TANC1: variants seen among roughly 807,000 people sequenced by gnomAD.
TANC1 encodes protein TANC1.
TANC1 carries 77 observed loss-of-function variants against 149.7 expected under a neutral mutation model. That is an observed-to-expected ratio of 0.51 (90% CI 0.43 to 0.62). TANC1 has a LOEUF of 0.62. TANC1 is among the 20% of genes least tolerant of loss of function. The pLI is 0.00. For synonymous variants in TANC1, 854 were observed against 925.0 expected, an observed-to-expected ratio of 0.92 and a Z score of 1.39; for missense variants, 1,985 against 2,321.8, an observed-to-expected ratio of 0.85 and a Z score of 2.98.
Position 159,179,067 on chromosome 2 carries a change from G to A in TANC1, c.2414G>A (p.Arg805Lys). The A allele has an allele frequency of 6.2e-7, 1 of 1,613,916 alleles. No individual in the cohort carries two copies. The highest frequency in any genetic ancestry group is 8.5e-7 in the Non-Finnish European group (1 of 1,180,020). ...MDALSCFLIKRRDKTRMFCHP... is the reference protein window; with the variant it reads ...MDALSCFLIKKRDKTRMFCHP... ...GCCCTCTCCTGCTTCCTCATTAAGA[G>A]GCGAGACAAAACCCGCATGTTCTGC... is the stretch of plus-strand genomic sequence containing the variant. The change falls in exon 14 of 27, where the codon AGG becomes AAG. Residue 805 changes from arginine (R) to lysine (K), a missense_variant. Transcript: ENST00000263635.
At chr2:158,992,257 C>T (rs777506628) in intron 1 of TANC1, among the ~76,000 whole-genome samples, 4 of 151,390 alleles carry the variant, frequency 2.6e-5, no homozygotes, top group African/African-American at 4.9e-5. Context: ...TCATCTACTC[C>T]GGAGGCTGAG....
chr2:159,092,380 T>A (rs899462403), intron 3 of TANC1, among the ~76,000 whole-genome samples: 3 of 152,230 alleles, frequency 2.0e-5, no homozygotes, highest in African/African-American at 4.8e-5. Flanking sequence ...TGATGTTGGA[T>A]GTTGCCATTC....
intron 2 of TANC1, among the ~76,000 whole-genome samples, chr2:159,005,769 G>C (rs1290211848): frequency 2.0e-5 from 3 of 151,474 alleles, no homozygotes; most frequent in Non-Finnish European, 4.4e-5. Context: ...AAATTTGCCT[G>C]GTCTATTCTG....
intron 4 of TANC1, among the ~76,000 whole-genome samples, chr2:159,109,104 A>C (rs1245344244): frequency 6.6e-6 from 1 of 152,220 alleles, no homozygotes; most frequent in Non-Finnish European, 1.5e-5. Flanking sequence ...CGAAGAGGCT[A>C]GGAGAGTAAG....
chr2:159,219,325 G>A lies in TANC1; in HGVS notation c.3466G>A (p.Gly1156Arg). The A allele has an allele frequency of 6.2e-7, 1 of 1,614,132 alleles. No homozygotes were observed. The highest frequency in any genetic ancestry group is 1.3e-5 in the African/African-American group (1 of 75,026). ...GCCCCTCATGGTGGCTGCTTGTGAAGGGCACTTGAGCACCGTGGAATTCCT... is the reference window on the plus strand; with the variant it reads ...GCCCCTCATGGTGGCTGCTTGTGAAAGGCACTTGAGCACCGTGGAATTCCT... ...RTPLMVAACE[G>R]HLSTVEFLLS... Residue 1156 changes from glycine to arginine, a missense_variant, in exon 21 of 27, where the codon GGG (glycine) becomes AGG (arginine). Gly to Arg is a moderately radical substitution (Grantham distance 125). Coordinates refer to ENST00000263635, the MANE Select transcript of TANC1 (RefSeq NM_033394.3).
chr2:159,169,332 A>G lies in TANC1; in HGVS notation c.1029A>G (p.Pro343=), dbSNP rs1356671542. 1 of 1,613,938 alleles carries G rather than the reference A, an allele frequency of 6.2e-7. No individual in the cohort carries two copies. The highest frequency in any genetic ancestry group is 8.5e-7 in the Non-Finnish European group (1 of 1,179,914). ...NAPLRTSIRL[P]WHNTAGGRAQ... The stretch of plus-strand genomic sequence containing the variant: ...CTCTACGGACGTCAATTAGATTACC[A>G]TGGCACAATACGGCCGGAGGTAGGG... The change falls in exon 9 of 27, where the codon CCA becomes CCG. Residue 343 remains proline, a synonymous_variant. Transcript: ENST00000263635.
intron 4 of TANC1, among the ~76,000 whole-genome samples, chr2:159,131,297 G>C (rs1214509200): frequency 1.3e-5 from 2 of 152,190 alleles, no homozygotes; most frequent in Non-Finnish European, 2.9e-5. Context: ...CATGGTCTTA[G>C]AATTGAGCCT....
At chr2:159,228,099 C>T (rs2060126219) in intron 25 of TANC1, 134 bp downstream of exon 25, 2 of 956,404 alleles carry the variant, frequency 2.1e-6, no homozygotes, top group Admixed American at 2.4e-5. Flanking sequence ...ATGAACCTGG[C>T]ATGTGGGAAA....
chr2:159,143,480 G>T (rs991505279), intron 5 of TANC1, among the ~76,000 whole-genome samples: 1 of 147,130 alleles, frequency 6.8e-6, no homozygotes, highest in Admixed American at 7.0e-5. Context: ...ACTTGGGGAG[G>T]CTGAGGCAGG....
intron 16 of TANC1, among the ~76,000 whole-genome samples, chr2:159,187,244 G>A (rs990442647): frequency 6.6e-6 from 1 of 152,220 alleles, no homozygotes; most frequent in Non-Finnish European, 1.5e-5. Context: ...GGTCAGGGCT[G>A]CTCTGAGCAC....
At chr2:159,212,151 A>G (rs1333970094) in intron 19 of TANC1, among the ~76,000 whole-genome samples, 3 of 152,262 alleles carry the variant, frequency 2.0e-5, no homozygotes, top group African/African-American at 7.2e-5. Flanking sequence ...ATAAAAGAGC[A>G]GAATGCTGTG....
rs35914993 is a variant in TANC1, at chr2:159,096,293, A to ATTT, written c.62-1328_62-1326dup. On this transcript the variant is annotated intron_variant, in intron 3 of 26. Coordinates refer to ENST00000263635, the MANE Select transcript of TANC1 (RefSeq NM_033394.3). ...ATCTGAATACATGAGGACTGGCTGT[A>ATTT]TTTTTTTTTTTTTTTTTTGGGAGAC... Among the ~76,000 whole-genome samples the ATTT allele has an allele frequency of 7.5e-3, 979 of 130,722 alleles. 8 individuals carry two copies. The highest frequency in any genetic ancestry group is 0.025 in the African/African-American group (870 of 35,026). The allele number at this position is 130,722 out of a possible 152,430, so 85.8% of individuals were successfully genotyped here. A position where few individuals can be genotyped will look rare whatever the true frequency, so the allele number is the denominator to read the frequency against.
rs2059523641 is a variant in TANC1, at chr2:159,219,056, G to A, written c.3379-182G>A. Among the ~76,000 whole-genome samples, 3 of 152,164 alleles carry A rather than the reference G, an allele frequency of 2.0e-5. 1 individual carries two copies. Among genetic ancestry groups the A allele is most frequent in the South Asian group, 4.1e-4 (2 of 4,828 alleles). On this transcript the variant is annotated intron_variant, in intron 20 of 26. Coordinates refer to ENST00000263635, the MANE Select transcript of TANC1 (RefSeq NM_033394.3). ...GCATGTTAAAAAGAGTGCATATTTT[G>A]GAAAAGGTTCTGTTCAAAGGAATAC...
At chr2:158,981,499 A>G (rs1160534046) in intron 1 of TANC1, among the ~76,000 whole-genome samples, 1 of 29,418 alleles carries the variant, frequency 3.4e-5, no homozygotes, top group Non-Finnish European at 6.2e-5. Flanking sequence ...TTTTATATAT[A>G]TATATATATA....
intron 4 of TANC1, among the ~76,000 whole-genome samples, chr2:159,114,828 C>T (rs907197898): frequency 2.0e-5 from 3 of 152,158 alleles, no homozygotes; most frequent in Non-Finnish European, 4.4e-5. Flanking sequence ...TCCAGGATCC[C>T]TTTCATTGTA....
At chr2:159,160,144 G>A (rs2053897116) in intron 7 of TANC1, among the ~76,000 whole-genome samples, 1 of 152,170 alleles carries the variant, frequency 6.6e-6, no homozygotes, top group Non-Finnish European at 1.5e-5. Context: ...GGCCTGATAA[G>A]TCGCTCAGTT....
intron 2 of TANC1, among the ~76,000 whole-genome samples, chr2:159,042,674 G>T (rs1393926675): frequency 6.6e-6 from 1 of 151,968 alleles, no homozygotes; most frequent in Non-Finnish European, 1.5e-5. Flanking sequence ...CGTGGGGGGT[G>T]GTGTGGGCAT....
intron 19 of TANC1, among the ~76,000 whole-genome samples, chr2:159,210,568 T>G (rs939522329): frequency 6.6e-6 from 1 of 152,106 alleles, no homozygotes; most frequent in Non-Finnish European, 1.5e-5. Context: ...TTTGTTTGTT[T>G]GTTTTTTGTT....
At chr2:159,215,870 T>C (rs2150900883) in intron 19 of TANC1, among the ~76,000 whole-genome samples, 1 of 152,158 alleles carries the variant, frequency 6.6e-6, no homozygotes, top group East Asian at 1.9e-4. Flanking sequence ...CATGTAGTGT[T>C]CTGCTGATTG....
Sources: gnomAD v4.1 joint callset for allele counts (sites outside exome capture counted in the v4.1 genomes callset) on GRCh38, gnomAD v4.1.1 for gene constraint, MANE v1.5 for transcripts, NCBI Gene and HGNC (gene_info 2026-07-23, HGNC 2026-07-21) for gene names.